POLRMT: variants seen among roughly 807,000 people sequenced by gnomAD.
The protein encoded by POLRMT is RNA polymerase mitochondrial, also known as DNA-directed RNA polymerase, mitochondrial.
Under a neutral mutation model 132.2 loss-of-function variants are expected in POLRMT, and 114 were observed. The ratio of observed to expected loss-of-function variants is 0.86; its 90% CI spans 0.74 to 1.01. The LOEUF (loss-of-function observed/expected upper bound fraction) is 1.01. Among genes scored for constraint, POLRMT ranks in the 50% least tolerant of loss-of-function variants. The pLI, the probability that POLRMT is intolerant of heterozygous loss-of-function variation, is 0.00. For missense variants in POLRMT, 2,003 were observed against 1,729.1 expected (o/e 1.16, Z -2.81); for synonymous variants, 1,020 against 773.4 (o/e 1.32, Z -5.29).
intron 4 of POLRMT, 86 bp downstream of exon 4, chr19:625,038 C>A: frequency 6.6e-7 from 1 of 1,524,988 alleles, no homozygotes; most frequent in South Asian, 1.3e-5. Context: ...CTGGGGGTCC[C>A]CAGCCCCCAG....
chr19:633,274 G>C, intron 1 of POLRMT, 151 bp downstream of exon 1: 1 of 998,682 alleles, frequency 1.0e-6, no homozygotes, highest in Non-Finnish European at 1.4e-6. Context: ...TCGAAAAGCG[G>C]GCAAGGGCGA....
chr19:618,389 C>T, intron 17 of POLRMT, 99 bp downstream of exon 17: 2 of 931,756 alleles, frequency 2.1e-6, no homozygotes, highest in African/African-American at 1.7e-5. Context: ...TCTGCCCAGT[C>T]CCTGCCCCCA....
At position 617,572 on chromosome 19, in the gene POLRMT, A is replaced by C; in HGVS notation, c.3579T>G (p.Ser1193=). 6.2e-7 allele frequency: 1 copy of C among 1,611,808 alleles called. No homozygotes were observed. The highest frequency in any genetic ancestry group is 8.5e-7 in the Non-Finnish European group (1 of 1,179,964). Residue 1193 remains serine, a splice_region_variant and synonymous_variant, in exon 19 of 21, where the codon TCT becomes TCG. Coordinates refer to ENST00000588649, the MANE Select transcript of POLRMT (RefSeq NM_005035.4). The stretch of plus-strand genomic sequence containing the variant: ...GTTGGGGTCAGGGAGCGCCTTACTC[A>C]GAGCAGAACCGCTTGACCAGGAATC... ...LSRFLVKRFC[S]EPQKILEASQ...
intron 1 of POLRMT, 43 bp downstream of exon 1, chr19:633,376 AGCCCAC>A: frequency 2.1e-6 from 3 of 1,446,574 alleles, no homozygotes; most frequent in Non-Finnish European, 2.7e-6. Flanking sequence ...CGCGGGGAGG[AGCCCAC>A]GCCGTGGCCC....
In POLRMT at chr19:617,252, CACTG is replaced by C. The variant is rs1984030487; in HGVS notation, c.*18_*21del. On this transcript the variant is annotated 3_prime_UTR_variant, in exon 21 of 21. Coordinates refer to ENST00000588649, the MANE Select transcript of POLRMT (RefSeq NM_005035.4). ...GGGTGGCAAAAGAGCTTTATTTACA[CACTG>C]ACAAGGCTCACGGGGTGTCAGCTGA... The C allele has an allele frequency of 3.1e-6, 5 of 1,612,172 alleles. No homozygotes were observed. Among genetic ancestry groups the C allele is most frequent in the African/African-American group, 1.3e-5 (1 of 74,910 alleles).
chr19:626,886 T>TATACACACACACACACAC (rs1555676921), intron 3 of POLRMT, among the ~76,000 whole-genome samples: 1 of 143,672 alleles, frequency 7.0e-6, no homozygotes, highest in South Asian at 2.3e-4. Context: ...TCTTAAAATA[T>TATACACACACACACACAC]ACACACACAC....
At position 617,664 on chromosome 19, in the gene POLRMT, GAGTC is replaced by G. The variant is rs1984099311; in HGVS notation, c.3496-13_3496-10del. ...AACTGCTCCCGGCACACCTGGGCAGGAGTCAGAGGATCCCCAGGGGTGATCAGGC... is the reference window on the plus strand; with the variant it reads ...AACTGCTCCCGGCACACCTGGGCAGGAGAGGATCCCCAGGGGTGATCAGGC... On this transcript the variant is annotated splice_polypyrimidine_tract_variant and intron_variant, in intron 18 of 20. Transcript: ENST00000588649. 6.2e-7 allele frequency: 1 copy of G among 1,612,390 alleles called. No individual in the cohort carries two copies. Among genetic ancestry groups the G allele is most frequent in the African/African-American group, 1.3e-5 (1 of 74,898 alleles).
Position 621,260 on chromosome 19 carries a change from A to C in POLRMT, c.2438T>G (p.Phe813Cys), listed in dbSNP as rs764267382. The C allele has an allele frequency of 4.9e-5, 79 of 1,608,120 alleles. No individual in the cohort carries two copies. The highest frequency in any genetic ancestry group is 1.9e-4 in the Middle Eastern group (1 of 5,338). Residue 813 changes from phenylalanine to cysteine, a missense_variant, in exon 10 of 21, where the codon TTC becomes TGC. By Grantham distance (205) the Phe-to-Cys change is radical. Transcript: ENST00000588649. ...CGCCACGTCGCTGCCCAGGTGGTTG[A>C]AGTGCGGCGGGCAGGGGTAGGTGCG... Reference protein sequence around the residue: ...RGRTYPCPPHFNHLGSDVARA... With the variant: ...RGRTYPCPPHCNHLGSDVARA...
chr19:624,693 G>A (rs1984889739), intron 5 of POLRMT, 26 bp downstream of exon 5: 1 of 1,602,988 alleles, frequency 6.2e-7, no homozygotes, highest in Non-Finnish European at 8.5e-7. Flanking sequence ...AAGGACTGAA[G>A]TCTGCCGGGG....
At chr19:617,920 C>T (rs750418584) in intron 17 of POLRMT, 71 bp from the exon 18 acceptor site, 1 of 1,429,994 alleles carries the variant, frequency 7.0e-7, no homozygotes, top group Non-Finnish European at 9.8e-7. Context: ...CATCCTGGCC[C>T]TGCGCTCAGC....
chr19:618,138 C>G, intron 17 of POLRMT: 1 of 565,596 alleles, frequency 1.8e-6, no homozygotes, highest in Non-Finnish European at 3.2e-6. Flanking sequence ...CCTGCCAGGG[C>G]CACCACCCCG....
At position 622,846 on chromosome 19, in the gene POLRMT, C is replaced by G. The variant is rs1296986763; in HGVS notation, c.1430G>C (p.Arg477Pro). Residue 477 changes from arginine (R) to proline (P), a missense_variant, in exon 7 of 21, where the codon CGC becomes CCC. Physicochemically the swap from Arg to Pro is moderately radical, Grantham distance 103 (BLOSUM62 -2). Transcript: ENST00000588649. ...LYPFLCLLDE[R>P]EVVRMLLQVL... ...CTGCAGGAGCATCCGCACCACCTCG[C>G]GCTCGTCCAGCAGGCACAGGAAGGG... is the stretch of plus-strand genomic sequence containing the variant. 1 of 1,600,684 alleles carries G rather than the reference C, an allele frequency of 6.2e-7. No homozygotes were observed. The highest frequency in any genetic ancestry group is 1.7e-5 in the Admixed American group (1 of 58,680).
Position 626,886 on chromosome 19 carries a change from T to TACACACACACACACACACAC in POLRMT, c.823-1633_823-1632insGTGTGTGTGTGTGTGTGTGT, listed in dbSNP as rs143170943. Among the ~76,000 whole-genome samples the TACACACACACACACACACAC allele has an allele frequency of 1.3e-3, 191 of 143,700 alleles. 1 individual carries two copies. The highest frequency in any genetic ancestry group is 4.6e-3 in the African/African-American group (175 of 38,246). The allele number at this position is 143,700 out of a possible 152,430, so 94.3% of individuals were successfully genotyped here. A position where few individuals can be genotyped will look rare whatever the true frequency, so the allele number is the denominator to read the frequency against. Reference sequence around the variant, plus strand: ...GACTTGGAGACTCTGTCTTAAAATATACACACACACACATATATATATATA... The same window carrying TACACACACACACACACACAC: ...GACTTGGAGACTCTGTCTTAAAATATACACACACACACACACACACACACACACACACATATATATATATA... On this transcript the variant is annotated intron_variant, in intron 3 of 20. Transcript: ENST00000588649.
rs755587776 is a variant in POLRMT at position 629,791 on chromosome 19, G to A, written c.571C>T (p.Leu191=). ...QAPESPWEEQ[L]ARLLQEAPGK... ...GGGGCCTCCTGCAGCAGCCGGGCCA[G>A]CTGCTCCTCCCAGGGGCTCTCGGGG... The change falls in exon 3 of 21, where the codon CTG becomes TTG. Residue 191 remains leucine, a synonymous_variant. Coordinates refer to ENST00000588649, the MANE Select transcript of POLRMT (RefSeq NM_005035.4). The A allele has an allele frequency of 1.3e-6, 2 of 1,573,180 alleles. No individual in the cohort carries two copies. Among genetic ancestry groups the A allele is most frequent in the Non-Finnish European group, 8.6e-7 (1 of 1,160,516 alleles).
At chr19:632,541 G>T (rs1412434784) in intron 2 of POLRMT, among the ~76,000 whole-genome samples, 1 of 152,032 alleles carries the variant, frequency 6.6e-6, no homozygotes, top group South Asian at 2.1e-4. Context: ...GGGGCCGGGG[G>T]GGGGGTCTCT....
intron 3 of POLRMT, among the ~76,000 whole-genome samples, chr19:626,790 G>T (rs1032818768): frequency 2.0e-5 from 3 of 151,294 alleles, no homozygotes; most frequent in African/African-American, 7.3e-5. Context: ...AACGCAGAAA[G>T]CGGAAATTGC....
chr19:624,118 G>A (rs536908473), intron 5 of POLRMT, among the ~76,000 whole-genome samples: 3 of 152,222 alleles, frequency 2.0e-5, no homozygotes, highest in Admixed American at 6.5e-5. Context: ...GGCACGGCGC[G>A]GCCATCCACG....
At chr19:630,665 G>A (rs10402078) in intron 2 of POLRMT, among the ~76,000 whole-genome samples, 13,789 of 151,890 alleles carry the variant, frequency 0.091, 1,144 homozygotes, top group South Asian at 0.21. Flanking sequence ...CTGCAAGTTC[G>A]CACCCCGCCT....
chr19:632,852 G>A lies in POLRMT; in HGVS notation c.175C>T (p.His59Tyr), dbSNP rs1241927604. 1.3e-6 allele frequency: 2 copies of A among 1,546,290 alleles called. No homozygotes were observed. Among genetic ancestry groups the A allele is most frequent in the South Asian group, 1.2e-5 (1 of 84,730 alleles). Residue 59 changes from histidine to tyrosine, a missense_variant, in exon 2 of 21, where the codon CAC (histidine) becomes TAC (tyrosine). His to Tyr is a moderately conservative substitution (Grantham distance 83). Transcript: ENST00000588649. Reference sequence around the variant, plus strand: ...CGCTCACCCTCCAGCAGCTCCACGTGGCCCCAGTCCTTCCTGCGGTCTTGG... The same window carrying A: ...CGCTCACCCTCCAGCAGCTCCACGTAGCCCCAGTCCTTCCTGCGGTCTTGG... The part of the protein sequence containing the change: ...QDQDRRKDWG[H>Y]VELLEVLQAR...
Sources: allele counts gnomAD v4.1 joint callset (sites outside exome capture counted in the v4.1 genomes callset), GRCh38; gene constraint gnomAD v4.1.1; transcripts MANE v1.5; gene names NCBI Gene and HGNC (gene_info 2026-07-23, HGNC 2026-07-21).